The following SFSWAP variants were observed in gnomAD, a reference collection of about 807,000 sequenced individuals.
The protein encoded by SFSWAP is splicing factor SWAP, also known as splicing factor, suppressor of white-apricot homolog.
SFSWAP carries 17 observed loss-of-function variants against 100.7 expected under a neutral mutation model. The ratio of observed to expected loss-of-function variants is 0.17; its 90% confidence interval spans 0.12 to 0.25. The LOEUF is 0.25. Among genes scored for constraint, SFSWAP ranks in the 10% least tolerant of loss-of-function variants. SFSWAP has a pLI of 1.00. For synonymous variants in SFSWAP, 504 were observed against 510.1 expected (o/e 0.99, Z 0.16); for missense variants, 1,005 against 1,262.6 (o/e 0.80, Z 3.09).
intron 7 of SFSWAP, among the ~76,000 whole-genome samples, chr12:131,737,270 T>C (rs1880122656): frequency 6.6e-6 from 1 of 151,934 alleles, no homozygotes; most frequent in African/African-American, 2.4e-5. Flanking sequence ...GGGAGGGAAG[T>C]GTCTGTAGTG....
rs1030684088 is a variant in SFSWAP at position 131,733,458 on chromosome 12, G to A, written c.1081+5030G>A. On this transcript the variant is annotated intron_variant, in intron 7 of 17. Coordinates refer to ENST00000261674, the MANE Select transcript of SFSWAP (RefSeq NM_004592.4). The surrounding 1 kb of genome is among the most constrained non-coding windows in gnomAD (Gnocchi z 5.1). The stretch of plus-strand genomic sequence containing the variant: ...ATAAAGCACGGCATGCATCCTGAGA[G>A]CCAGGCAGCGACGCTGCCTGCACTG... 1.5e-4 allele frequency among the ~76,000 whole-genome samples: 23 copies of A among 152,226 alleles called. No individual in the cohort carries two copies. Among genetic ancestry groups the A allele is most frequent in the Non-Finnish European group, 7.3e-5 (5 of 68,028 alleles).
In SFSWAP at chr12:131,711,466, C is replaced by T. The variant is rs372745132; in HGVS notation, c.218+19C>T. On this transcript the variant is annotated intron_variant, in intron 1 of 17. Coordinates refer to ENST00000261674, the MANE Select transcript of SFSWAP (RefSeq NM_004592.4). The surrounding 1 kb of genome is among the most constrained non-coding windows in gnomAD (Gnocchi z 4.9). ...TCGACAGGTCGGTTCCTCTCCCCAC[C>T]CGTCGATCCTTCCCTTCCCTCACCC... 3.5e-5 allele frequency: 56 copies of T among 1,584,260 alleles called. No individual in the cohort carries two copies. The African/African-American group carries it at 4.2e-4, about 12-fold the overall frequency.
chr12:131,761,469 T>G (rs2136233834), intron 11 of SFSWAP, among the ~76,000 whole-genome samples: 1 of 152,234 alleles, frequency 6.6e-6, no homozygotes, highest in African/African-American at 2.4e-5. Flanking sequence ...GGGCAGGGCC[T>G]GTCTGAGGAG....
At chr12:131,754,656 T>G (rs1461013327) in intron 9 of SFSWAP, among the ~76,000 whole-genome samples, 157 bp downstream of exon 9, 1 of 116,410 alleles carries the variant, frequency 8.6e-6, no homozygotes, top group Non-Finnish European at 1.7e-5. Context: ...TTTTTTGAGA[T>G]GGAGTCTTGC....
chr12:131,774,105 C>T (rs1355032873), intron 13 of SFSWAP, among the ~76,000 whole-genome samples: 1 of 152,132 alleles, frequency 6.6e-6, no homozygotes, highest in Non-Finnish European at 1.5e-5. Flanking sequence ...CGCATTTCCG[C>T]TGAGACAGTG....
At chr12:131,756,756 G>T (rs1432190908) in intron 11 of SFSWAP, 112 bp downstream of exon 11, 2 of 950,236 alleles carry the variant, frequency 2.1e-6, no homozygotes, top group Non-Finnish European at 3.1e-6. Context: ...GGTGGGGTTG[G>T]CGGCCCCCTG....
intron 7 of SFSWAP, among the ~76,000 whole-genome samples, chr12:131,741,618 C>T (rs566292348): frequency 8.6e-5 from 13 of 150,732 alleles, no homozygotes; most frequent in Non-Finnish European, 1.3e-4. Context: ...TGTACTCCAG[C>T]CTGGGCAACA....
At chr12:131,765,954 C>T (rs941633151) in intron 12 of SFSWAP, among the ~76,000 whole-genome samples, 164 bp from the exon 13 acceptor site, 16 of 152,130 alleles carry the variant, frequency 1.1e-4, no homozygotes, top group Non-Finnish European at 2.1e-4. Flanking sequence ...AAAAAGGGCA[C>T]GTTATAAACT....
chr12:131,752,164 T>G (rs1881721018), intron 7 of SFSWAP, among the ~76,000 whole-genome samples: 1 of 152,248 alleles, frequency 6.6e-6, no homozygotes, highest in Admixed American at 6.5e-5. Context: ...AAACCATAGT[T>G]AAGCTTTTAC....
chr12:131,752,703 G>A (rs569993374), intron 7 of SFSWAP, among the ~76,000 whole-genome samples: 19 of 152,354 alleles, frequency 1.2e-4, no homozygotes, highest in African/African-American at 4.3e-4. Flanking sequence ...AGCGCGGGGA[G>A]CTAGCCAAAG....
chr12:131,771,369 C>T (rs1593171943), intron 13 of SFSWAP, among the ~76,000 whole-genome samples: 2 of 152,288 alleles, frequency 1.3e-5, no homozygotes, highest in South Asian at 4.1e-4. Flanking sequence ...TCTTTGTGAA[C>T]GATGCCGCTT....
At position 131,764,489 on chromosome 12, in the gene SFSWAP, C is replaced by T; in HGVS notation, c.1754C>T (p.Ala585Val). The T allele has an allele frequency of 6.2e-7, 1 of 1,614,114 alleles. No individual in the cohort carries two copies. The highest frequency in any genetic ancestry group is 8.5e-7 in the Non-Finnish European group (1 of 1,179,976). Residue 585 changes from alanine to valine, a missense_variant, in exon 12 of 18, where the codon GCC (alanine) becomes GTC (valine). By Grantham distance (64) the Ala-to-Val change is moderately conservative. Around this residue, in one of 7 missense-constraint regions of SFSWAP, gnomAD observed 82 missense variants for 131.0 expected, o/e 0.63. Coordinates refer to ENST00000261674, the MANE Select transcript of SFSWAP (RefSeq NM_004592.4). Reference sequence around the variant, plus strand: ...GCTCCAATAAGCTTTGCAATCAAGGCCAAAGAAAATGATCTGCTTCCCCTG... The same window carrying T: ...GCTCCAATAAGCTTTGCAATCAAGGTCAAAGAAAATGATCTGCTTCCCCTG... ...SFAPISFAIK[A>V]KENDLLPLEK...
chr12:131,729,658 TG>T (rs947972331), intron 7 of SFSWAP, among the ~76,000 whole-genome samples: 2 of 152,204 alleles, frequency 1.3e-5, no homozygotes, highest in Admixed American at 1.3e-4. Context: ...TGTTTGACGT[TG>T]GTTCCAGCGT....
chr12:131,786,270 T>C (rs1336008475), intron 14 of SFSWAP, among the ~76,000 whole-genome samples, 193 bp from the exon 15 acceptor site: 1 of 152,116 alleles, frequency 6.6e-6, no homozygotes, highest in African/African-American at 2.4e-5. Context: ...TGAGATTGGA[T>C]TCGGGTTTCA....
intron 11 of SFSWAP, among the ~76,000 whole-genome samples, chr12:131,764,253 G>C (rs879689375): frequency 2.6e-5 from 4 of 152,108 alleles, no homozygotes; most frequent in Non-Finnish European, 5.9e-5. Flanking sequence ...ATGGTTCAGG[G>C]GCTCACCCCA....
At chr12:131,764,060 A>C (rs1882900230) in intron 11 of SFSWAP, among the ~76,000 whole-genome samples, 1 of 152,222 alleles carries the variant, frequency 6.6e-6, no homozygotes, top group African/African-American at 2.4e-5. Context: ...TAGGAGGCAG[A>C]GGTTGCAGTG....
At chr12:131,720,023 C>A (rs1331059219) in intron 4 of SFSWAP, among the ~76,000 whole-genome samples, 1 of 152,170 alleles carries the variant, frequency 6.6e-6, no homozygotes, top group Non-Finnish European at 1.5e-5. Context: ...GCCCAGGCCA[C>A]CCTTCCACTG....
In SFSWAP at chr12:131,778,540, A is replaced by AGAG. The variant is rs1203656693; in HGVS notation, c.2408+211_2408+213dup. Among the ~76,000 whole-genome samples, 5 of 152,116 alleles carry AGAG rather than the reference A, an allele frequency of 3.3e-5. No individual in the cohort carries two copies. The highest frequency in any genetic ancestry group is 2.9e-5 in the Non-Finnish European group (2 of 68,016). The stretch of plus-strand genomic sequence containing the variant: ...TACTTAACTTTTTCTTTTTTGAGAC[A>AGAG]GAGTTTTGTTCTTGTTGCCCAGGCT... On this transcript the variant is annotated intron_variant, in intron 14 of 17. Transcript: ENST00000261674. This position sits in a 1 kb window ranked among gnomAD's most constrained non-coding sequence, Gnocchi z 4.2.
In SFSWAP at chr12:131,743,588, C is replaced by G. The variant is rs146294758; in HGVS notation, c.1082-9535C>G. 1.3e-3 allele frequency among the ~76,000 whole-genome samples: 194 copies of G among 152,362 alleles called. 1 individual carries two copies. The highest frequency in any genetic ancestry group is 4.2e-3 in the African/African-American group (176 of 41,592). On this transcript the variant is annotated intron_variant, in intron 7 of 17. Transcript: ENST00000261674. The stretch of plus-strand genomic sequence containing the variant: ...TGTGGCTCTGCAGGGTACAACCTCC[C>G]TCCCGGCTGCTTTCACAGGCTGGTG...
Sources: gnomAD v4.1 joint callset for allele counts (sites outside exome capture counted in the v4.1 genomes callset) on GRCh38, gnomAD v4.1.1 for gene constraint, gnomAD v4.1.1 regional missense constraint, Gnocchi (gnomAD v3.1) non-coding constraint, MANE v1.5 for transcripts, NCBI Gene and HGNC (gene_info 2026-07-23, HGNC 2026-07-21) for gene names.